Variants in SARDH observed in about 807,000 individuals in gnomAD.
SARDH encodes the protein sarcosine dehydrogenase.
A neutral mutation model predicts 109.1 loss-of-function variants in SARDH; 95 were observed. The observed-to-expected ratio is 0.87, with a 90% confidence interval of 0.74 to 1.03. SARDH has a LOEUF of 1.03. Ranked by LOEUF, SARDH falls within the 50% of genes least tolerant of loss-of-function variation. SARDH has a pLI of 0.00. For missense variants in SARDH, 1,267 were observed against 1,287.8 expected, an observed-to-expected ratio of 0.98 and a Z score of 0.25; for synonymous variants, 572 against 534.8, an observed-to-expected ratio of 1.07 and a Z score of -0.96.
intron 8 of SARDH, among the ~76,000 whole-genome samples, chr9:133,716,473 A>G (rs1372503042): frequency 1.3e-5 from 2 of 152,128 alleles, no homozygotes; most frequent in East Asian, 3.9e-4. Context: ...CTTCCCAGAG[A>G]GTGCACCTTT....
intron 6 of SARDH, 93 bp downstream of exon 6, chr9:133,729,672 C>T: frequency 9.1e-7 from 1 of 1,100,212 alleles, no homozygotes; most frequent in South Asian, 1.4e-5. Flanking sequence ...AGGGGACCCA[C>T]AAGGGTCACA....
intron 17 of SARDH, among the ~76,000 whole-genome samples, chr9:133,679,406 T>C (rs919445968): frequency 3.9e-5 from 6 of 152,268 alleles, no homozygotes; most frequent in Non-Finnish European, 7.3e-5. Context: ...CTAGGACTTC[T>C]CGCTGTCAGG....
In SARDH at chr9:133,718,686, C is replaced by A. The variant is rs558023151; in HGVS notation, c.1020+252G>T. On this transcript the variant is annotated intron_variant, in intron 7 of 20. Coordinates refer to ENST00000439388, the MANE Select transcript of SARDH (RefSeq NM_001134707.2). This position sits in a 1 kb window ranked among gnomAD's most constrained non-coding sequence, Gnocchi z 4.2. ...ATGCCCTTCTGAGGTCATCACTCCA[C>A]ACTGCGCAGACCTTCTCTGTGGATG... is the stretch of plus-strand genomic sequence containing the variant. 5.1e-6 allele frequency: 4 copies of A among 779,668 alleles called. No individual in the cohort carries two copies. In the South Asian group the frequency reaches 5.4e-5, roughly 10 times the overall value. 48.3% of individuals were successfully genotyped at this position (779,668 alleles called of 1,614,324 possible). A position where few individuals can be genotyped will look rare whatever the true frequency, so the allele number is the denominator to read the frequency against.
chr9:133,688,821 G>A (rs1323735228), intron 16 of SARDH, among the ~76,000 whole-genome samples: 5 of 152,234 alleles, frequency 3.3e-5, no homozygotes, highest in Non-Finnish European at 7.3e-5. Context: ...CTTAATGCAT[G>A]TTGGTTTCTA....
intron 6 of SARDH, among the ~76,000 whole-genome samples, chr9:133,720,273 A>C (rs920181792): frequency 1.3e-5 from 2 of 152,018 alleles, no homozygotes; most frequent in Non-Finnish European, 2.9e-5. Context: ...CTAAAAATAC[A>C]AAAAATTAAC....
At chr9:133,703,100 C>T (rs1335586808) in intron 12 of SARDH, 71 bp from the exon 13 acceptor site, 7 of 1,343,826 alleles carry the variant, frequency 5.2e-6, no homozygotes, top group Admixed American at 2.0e-5. Context: ...AGAGCGGGGT[C>T]CCGCTGAGGC....
At chr9:133,682,632 T>C (rs1291560884) in intron 17 of SARDH, among the ~76,000 whole-genome samples, 1 of 151,976 alleles carries the variant, frequency 6.6e-6, no homozygotes, top group Non-Finnish European at 1.5e-5. Flanking sequence ...ACTCAGCCCC[T>C]GTGCTGAAAC....
chr9:133,727,327 C>T (rs1832526884), intron 6 of SARDH, among the ~76,000 whole-genome samples: 1 of 152,238 alleles, frequency 6.6e-6, no homozygotes, highest in African/African-American at 2.4e-5. Flanking sequence ...CCCTCACCTG[C>T]CAGCTGGAGC....
Position 133,704,868 on chromosome 9 carries a change from CAAGGACGGGGCACGT to C in SARDH, c.1554+65_1554+79del, listed in dbSNP as rs1831629197. 8.8e-6 allele frequency: 11 copies of C among 1,255,550 alleles called. No homozygotes were observed. Among genetic ancestry groups the C allele is most frequent in the Admixed American group, 4.0e-5 (2 of 49,774 alleles). 77.8% of individuals were successfully genotyped at this position (1,255,550 alleles called of 1,614,324 possible). ...TGGGGAGGCGGGGCACACGGAGGGG[CAAGGACGGGGCACGT>C]GGAGGGGCAAGGGGGTTGTCAGGGC... On this transcript the variant is annotated intron_variant, in intron 12 of 20. Coordinates refer to ENST00000439388, the MANE Select transcript of SARDH (RefSeq NM_001134707.2). This position sits in a 1 kb window ranked among gnomAD's most constrained non-coding sequence, Gnocchi z 4.5.
intron 16 of SARDH, among the ~76,000 whole-genome samples, chr9:133,685,967 GA>G (rs1201811230): frequency 6.6e-6 from 1 of 152,166 alleles, no homozygotes; most frequent in East Asian, 1.9e-4. Flanking sequence ...TGCAGACTTG[GA>G]GGAGGTAGAG....
chr9:133,727,667 C>T (rs531900054), intron 6 of SARDH, among the ~76,000 whole-genome samples: 28 of 152,360 alleles, frequency 1.8e-4, no homozygotes, highest in Non-Finnish European at 3.8e-4. Flanking sequence ...CAGATCTCCA[C>T]TTTTCTCCTA....
intron 17 of SARDH, among the ~76,000 whole-genome samples, chr9:133,676,524 G>C (rs1830517226): frequency 6.6e-6 from 1 of 152,220 alleles, no homozygotes; most frequent in Admixed American, 6.5e-5. Context: ...ATGGGAAACT[G>C]AGGCTAGGAA....
rs943853413 is a variant in SARDH at position 133,708,222 on chromosome 9, C to T, written c.1470+65G>A. 154 of 1,538,476 alleles carry T rather than the reference C, an allele frequency of 1.0e-4. 1 individual carries two copies. The highest frequency in any genetic ancestry group is 1.7e-4 in the Middle Eastern group (1 of 5,748). On this transcript the variant is annotated intron_variant, in intron 11 of 20. Coordinates refer to ENST00000439388, the MANE Select transcript of SARDH (RefSeq NM_001134707.2). Reference sequence around the variant, plus strand: ...GGGTACACCTTGCATTTCTGTCACTCCGCTGCCCTGAGGACGTCCCAGACC... The same window carrying T: ...GGGTACACCTTGCATTTCTGTCACTTCGCTGCCCTGAGGACGTCCCAGACC...
Position 133,690,535 on chromosome 9 carries a change from A to T in SARDH, c.1922-8T>A, listed in dbSNP as rs773180603. 100 of 1,593,380 alleles carry T rather than the reference A, an allele frequency of 6.3e-5. No individual in the cohort carries two copies. The highest frequency in any genetic ancestry group is 1.7e-4 in the Middle Eastern group (1 of 6,042). ...CCAGGTAGTAACCGTCCCCTGGAAG[A>T]GAGGCACCTGGACTTAGAGCAGGAT... On this transcript the variant is annotated splice_polypyrimidine_tract_variant and splice_region_variant and intron_variant, in intron 15 of 20. Coordinates refer to ENST00000439388, the MANE Select transcript of SARDH (RefSeq NM_001134707.2).
chr9:133,664,820 T>A (rs1260309034), intron 20 of SARDH, among the ~76,000 whole-genome samples: 1 of 152,226 alleles, frequency 6.6e-6, no homozygotes, highest in Non-Finnish European at 1.5e-5. Context: ...TGTGTGCACC[T>A]GCAGGGCTGA....
chr9:133,726,753 AT>A (rs1272497033), intron 6 of SARDH, among the ~76,000 whole-genome samples: 1 of 151,826 alleles, frequency 6.6e-6, no homozygotes, highest in Non-Finnish European at 1.5e-5. Context: ...CTTCCATCTG[AT>A]CCCTGCCTGA....
chr9:133,688,833 G>A (rs994772270), intron 16 of SARDH, among the ~76,000 whole-genome samples: 3 of 152,238 alleles, frequency 2.0e-5, no homozygotes, highest in African/African-American at 7.2e-5. Context: ...TGGTTTCTAT[G>A]AGCAGCCTCA....
intron 18 of SARDH, 109 bp downstream of exon 18, chr9:133,671,426 G>C: frequency 7.5e-7 from 1 of 1,337,236 alleles, no homozygotes; most frequent in Non-Finnish European, 1.0e-6. Flanking sequence ...AAGGAAGCCG[G>C]GTGACAACAC....
At chr9:133,660,000 A>G (rs1449503767), downstream of SARDH, among the ~76,000 whole-genome samples, 1 of 152,058 alleles carries the variant, frequency 6.6e-6, no homozygotes, top group Admixed American at 6.5e-5. Context: ...GGGGCCCAAG[A>G]GCGGCAGTGA....
Sources: allele counts gnomAD v4.1 joint callset (sites outside exome capture counted in the v4.1 genomes callset), GRCh38; gene constraint gnomAD v4.1.1; non-coding constraint Gnocchi (gnomAD v3.1); transcripts MANE v1.5; gene names NCBI Gene and HGNC (gene_info 2026-07-23, HGNC 2026-07-21).